TSTD2: variants seen among roughly 807,000 people sequenced by gnomAD.
TSTD2 encodes thiosulfate sulfurtransferase/rhodanese-like domain-containing protein 2.
Under a neutral mutation model 47.9 loss-of-function variants are expected in TSTD2, and 37 were observed. That is an observed-to-expected ratio of 0.77 (90% CI 0.59 to 1.02). TSTD2 has a LOEUF of 1.02. TSTD2 is among the 50% of genes least tolerant of loss of function. The pLI, the probability that TSTD2 is intolerant of heterozygous loss-of-function variation, is 0.00. For missense variants in TSTD2, 586 were observed against 616.0 expected (o/e 0.95, Z 0.52); for synonymous variants, 201 against 215.9 (o/e 0.93, Z 0.61).
chr9:97,623,509 A>G (rs190567547), intron 3 of TSTD2, among the ~76,000 whole-genome samples: 16 of 152,360 alleles, frequency 1.1e-4, no homozygotes, highest in Admixed American at 8.5e-4. Context: ...TGAAAATAAT[A>G]TAATTTTCTT....
In TSTD2 at chr9:97,604,756, G is replaced by A. The variant is rs1011902354; in HGVS notation, c.1223C>T (p.Ala408Val). ...CACCACATCACTGTTGTAGGACAGA[G>A]CATAGCGTTCATCAAAAACAAACAA... ...GKLFVFDERY[A>V]LSYNSDVVSE... The change falls in exon 9 of 10, where the codon GCT becomes GTT. Residue 408 changes from alanine to valine, a missense_variant. Ala to Val is a moderately conservative substitution (Grantham distance 64). Coordinates refer to ENST00000341170, the MANE Select transcript of TSTD2 (RefSeq NM_139246.5). 6.2e-7 allele frequency: 1 copy of A among 1,614,226 alleles called. No homozygotes were observed.
At chr9:97,624,754 G>T (rs917129512) in intron 3 of TSTD2, among the ~76,000 whole-genome samples, 2 of 151,742 alleles carry the variant, frequency 1.3e-5, no homozygotes, top group African/African-American at 4.8e-5. Flanking sequence ...AAAAAAAAAG[G>T]TTAAATCAAA....
chr9:97,603,510 G>A (rs1289452783), intron 9 of TSTD2, among the ~76,000 whole-genome samples: 1 of 152,098 alleles, frequency 6.6e-6, no homozygotes, highest in South Asian at 2.1e-4. Context: ...AAAACAGATC[G>A]AAGTAGTGAT....
chr9:97,630,348 A>G (rs1410144551), intron 1 of TSTD2, among the ~76,000 whole-genome samples: 1 of 152,126 alleles, frequency 6.6e-6, no homozygotes, highest in African/African-American at 2.4e-5. Flanking sequence ...ACTCTGAATT[A>G]TTATTATTTG....
rs1826742288 is a variant in TSTD2, at chr9:97,627,550, T to C, written c.13A>G (p.Thr5Ala). The change falls in exon 2 of 10, where the codon ACT (threonine) becomes GCT (alanine). Residue 5 changes from threonine to alanine, a missense_variant. Coordinates refer to ENST00000341170, the MANE Select transcript of TSTD2 (RefSeq NM_139246.5). Reference sequence around the variant, plus strand: ...AGGTCATCTCCTTGGTCTGGTGAAGTGGAAGAAGGCATCTGGTTTGGTTGC... The same window carrying C: ...AGGTCATCTCCTTGGTCTGGTGAAGCGGAAGAAGGCATCTGGTTTGGTTGC... MPSS[T>A]SPDQGDDLEN... is the part of the protein sequence containing the mutation. 6.2e-7 allele frequency: 1 copy of C among 1,607,362 alleles called. No homozygotes were observed. Among genetic ancestry groups the C allele is most frequent in the Non-Finnish European group, 8.5e-7 (1 of 1,175,632 alleles).
In TSTD2 at chr9:97,625,161, T is replaced by C. The variant is rs951564255; in HGVS notation, c.482+520A>G. Among the ~76,000 whole-genome samples, 21 of 152,234 alleles carry C rather than the reference T, an allele frequency of 1.4e-4. 1 individual carries two copies. The East Asian group carries it at 4.0e-3, about 29-fold the overall frequency. On this transcript the variant is annotated intron_variant, in intron 3 of 9. Transcript: ENST00000341170. Reference sequence around the variant, plus strand: ...CCTTTCTATCATCATATATTAGTTTTGCCTTCAAGTACATGAAATCAGAAA... The same window carrying C: ...CCTTTCTATCATCATATATTAGTTTCGCCTTCAAGTACATGAAATCAGAAA...
At chr9:97,626,147 T>C in intron 2 of TSTD2, 150 bp from the exon 3 acceptor site, 1 of 773,072 alleles carries the variant, frequency 1.3e-6, no homozygotes, top group Non-Finnish European at 2.0e-6. Context: ...AAGTAACACT[T>C]CTCTTATTAG....
At chr9:97,610,271 GTGCC>G in intron 6 of TSTD2, 71 bp downstream of exon 6, 1 of 1,342,120 alleles carries the variant, frequency 7.5e-7, no homozygotes, top group Non-Finnish European at 1.0e-6. Context: ...GCTGATCACA[GTGCC>G]TAGCTTTCTT....
chr9:97,616,031 G>C (rs1355304429), intron 4 of TSTD2, among the ~76,000 whole-genome samples: 2 of 152,120 alleles, frequency 1.3e-5, no homozygotes, highest in African/African-American at 4.8e-5. Context: ...TGCCATGAGA[G>C]AGTGCACTGG....
chr9:97,623,298 C>T (rs140766360), intron 3 of TSTD2, among the ~76,000 whole-genome samples: 2,008 of 152,280 alleles, frequency 0.013, 46 homozygotes, highest in African/African-American at 0.046. Flanking sequence ...CTTGCTCCTC[C>T]TTGCCTTCCA....
At chr9:97,621,464 C>T (rs1001568404) in intron 3 of TSTD2, among the ~76,000 whole-genome samples, 13 of 152,270 alleles carry the variant, frequency 8.5e-5, no homozygotes, top group South Asian at 2.1e-4. Flanking sequence ...TGACTGCCTG[C>T]GGGGCCGGGC....
intron 4 of TSTD2, among the ~76,000 whole-genome samples, chr9:97,616,532 A>T (rs1433455608): frequency 1.3e-5 from 2 of 152,138 alleles, no homozygotes; most frequent in African/African-American, 4.8e-5. Flanking sequence ...TAAAGTGGTG[A>T]GTGTGGAAGA....
At chr9:97,606,912 A>C (rs570497729) in intron 6 of TSTD2, among the ~76,000 whole-genome samples, 8 of 152,342 alleles carry the variant, frequency 5.3e-5, no homozygotes, top group Admixed American at 1.3e-4. Context: ...AAAGAAAGTA[A>C]AGGAGAGAAA....
At chr9:97,615,961 G>A (rs968478526) in intron 4 of TSTD2, among the ~76,000 whole-genome samples, 20 of 151,940 alleles carry the variant, frequency 1.3e-4, no homozygotes, top group Non-Finnish European at 1.5e-5. Context: ...ACTATGGGAG[G>A]TCACAGATAT....
At chr9:97,616,380 A>T (rs555013223) in intron 4 of TSTD2, among the ~76,000 whole-genome samples, 20 of 152,224 alleles carry the variant, frequency 1.3e-4, no homozygotes, top group Admixed American at 9.2e-4. Context: ...GAGTTTGAGG[A>T]GGGAGTGATG....
intron 1 of TSTD2, among the ~76,000 whole-genome samples, chr9:97,629,298 T>C (rs962557732): frequency 3.9e-5 from 6 of 152,190 alleles, no homozygotes; most frequent in Non-Finnish European, 8.8e-5. Context: ...CAATGCTGGA[T>C]AGGACTGATG....
Position 97,601,080 on chromosome 9 carries a change from G to A in TSTD2, c.*1389C>T, listed in dbSNP as rs568076284. 1.7e-5 allele frequency: 22 copies of A among 1,304,260 alleles called. No individual in the cohort carries two copies. The highest frequency in any genetic ancestry group is 2.1e-4 in the Middle Eastern group (1 of 4,698). 80.8% of individuals were successfully genotyped at this position (1,304,260 alleles called of 1,614,324 possible). On this transcript the variant is annotated 3_prime_UTR_variant, in exon 10 of 10. Transcript: ENST00000341170. ...TGGGCAGTACAGGGTAACTGGAGGC[G>A]GGGCCAGGGCCTCAGCGCTATGGAA...
At chr9:97,618,689 C>A (rs574266361) in intron 3 of TSTD2, among the ~76,000 whole-genome samples, 1 of 152,030 alleles carries the variant, frequency 6.6e-6, no homozygotes, top group Non-Finnish European at 1.5e-5. Flanking sequence ...TTTTTCAATA[C>A]CTTGTTAGCA....
chr9:97,603,335 C>T (rs1165535591), intron 9 of TSTD2, among the ~76,000 whole-genome samples: 3 of 152,204 alleles, frequency 2.0e-5, no homozygotes, highest in Non-Finnish European at 2.9e-5. Context: ...TTGATAACAT[C>T]ATTCTTCCTC....
Sources: gnomAD v4.1 joint callset for allele counts (sites outside exome capture counted in the v4.1 genomes callset) on GRCh38, gnomAD v4.1.1 for gene constraint, MANE v1.5 for transcripts, NCBI Gene and HGNC (gene_info 2026-07-23, HGNC 2026-07-21) for gene names.